Variants in FHIT observed in about 807,000 individuals in gnomAD.
FHIT encodes the protein fragile histidine triad diadenosine triphosphatase, also known as bis(5'-adenosyl)-triphosphatase.
In FHIT, 19 loss-of-function variants were observed where a neutral mutation model predicts 17.9. That is an observed-to-expected ratio of 1.06 (90% CI 0.74 to 1.56). The LOEUF (loss-of-function observed/expected upper bound fraction) is 1.56. FHIT is among the 40% of genes most tolerant of loss of function. The pLI, the probability that FHIT is intolerant of heterozygous loss-of-function variation, is 0.00. For missense variants in FHIT, 248 were observed against 189.2 expected, an observed-to-expected ratio of 1.31 and a Z score of -1.82; for synonymous variants, 81 against 69.7, an observed-to-expected ratio of 1.16 and a Z score of -0.81.
intron 4 of FHIT, among the ~76,000 whole-genome samples, chr3:60,805,680 C>A (rs1034379471): frequency 2.6e-5 from 4 of 151,980 alleles, no homozygotes; most frequent in Admixed American, 2.0e-4. Flanking sequence ...CTTAGCCTCC[C>A]GAGGAGCTGG....
chr3:61,208,643 CT>C (rs1003374744), intron 1 of FHIT, among the ~76,000 whole-genome samples: 21 of 151,036 alleles, frequency 1.4e-4, no homozygotes, highest in African/African-American at 4.1e-4. Context: ...CAAACCCTGC[CT>C]TTTTTTTTGT....
At chr3:60,657,516 A>G (rs1240709670) in intron 4 of FHIT, among the ~76,000 whole-genome samples, 3 of 152,158 alleles carry the variant, frequency 2.0e-5, no homozygotes, top group African/African-American at 7.2e-5. Flanking sequence ...GGAATCATCT[A>G]GTGGTGAAAT....
At chr3:60,245,800 C>G (rs1372776880) in intron 5 of FHIT, among the ~76,000 whole-genome samples, 1 of 151,900 alleles carries the variant, frequency 6.6e-6, no homozygotes, top group Non-Finnish European at 1.5e-5. Flanking sequence ...ATATTGGCAA[C>G]TGATCCAGAA....
chr3:60,299,310 G>T (rs751040310), intron 5 of FHIT, among the ~76,000 whole-genome samples: 1 of 152,060 alleles, frequency 6.6e-6, no homozygotes, highest in Non-Finnish European at 1.5e-5. Context: ...CTAACATTTT[G>T]TTAAGAAATT....
Position 60,507,189 on chromosome 3 carries a change from T to G in FHIT, c.103+29671A>C, listed in dbSNP as rs142376617. Reference sequence around the variant, plus strand: ...CCTTCTAGAAGAAGGGATACGTGAGTTGGCATTGGTAGAATGAACAGGAGT... The same window carrying G: ...CCTTCTAGAAGAAGGGATACGTGAGGTGGCATTGGTAGAATGAACAGGAGT... On this transcript the variant is annotated intron_variant, in intron 5 of 9. Coordinates refer to ENST00000492590, the MANE Select transcript of FHIT (RefSeq NM_002012.4). 3.7e-3 allele frequency among the ~76,000 whole-genome samples: 558 copies of G among 152,216 alleles called. 3 individuals carry two copies. Among genetic ancestry groups the G allele is most frequent in the African/African-American group, 0.013 (524 of 41,526 alleles).
chr3:60,147,933 G>T (rs183918798), intron 5 of FHIT, among the ~76,000 whole-genome samples: 51 of 152,290 alleles, frequency 3.3e-4, no homozygotes, highest in Middle Eastern at 6.8e-3. Context: ...AATCAAGGTG[G>T]AAGGCTCTGA....
intron 4 of FHIT, among the ~76,000 whole-genome samples, chr3:60,809,489 T>A (rs1441720471): frequency 3.3e-5 from 5 of 152,156 alleles, no homozygotes; most frequent in African/African-American, 1.2e-4. Context: ...TCACTACCAT[T>A]TAAAAAGCAT....
At chr3:60,239,574 A>G (rs1211671039) in intron 5 of FHIT, among the ~76,000 whole-genome samples, 1 of 152,104 alleles carries the variant, frequency 6.6e-6, no homozygotes, top group Non-Finnish European at 1.5e-5. Flanking sequence ...GCAAACAAAA[A>G]ACAGAATCTT....
At chr3:60,301,009 G>T (rs192336445) in intron 5 of FHIT, among the ~76,000 whole-genome samples, 2 of 151,844 alleles carry the variant, frequency 1.3e-5, no homozygotes, top group Non-Finnish European at 2.9e-5. Flanking sequence ...AGCACCCAAA[G>T]CATCTCTCCC....
chr3:61,018,810 G>A (rs2032253243), intron 3 of FHIT, among the ~76,000 whole-genome samples: 1 of 151,874 alleles, frequency 6.6e-6, no homozygotes, highest in Admixed American at 6.6e-5. Context: ...TTTCACCCAT[G>A]GGATAGATAC....
intron 4 of FHIT, among the ~76,000 whole-genome samples, chr3:60,616,460 C>A (rs1396210665): frequency 2.0e-5 from 3 of 152,130 alleles, no homozygotes; most frequent in Admixed American, 1.3e-4. Context: ...AAGTAATACA[C>A]TTCTAGAACT....
Position 60,506,323 on chromosome 3 carries a change from A to C in FHIT, c.103+30537T>G, listed in dbSNP as rs377448854. Among the ~76,000 whole-genome samples, 21 of 152,288 alleles carry C rather than the reference A, an allele frequency of 1.4e-4. 1 individual carries two copies. Among genetic ancestry groups the C allele is most frequent in the East Asian group, 5.8e-4 (3 of 5,182 alleles). ...GATCTGTAGCAACAAGTATAAAGCT[A>C]ATTTTGTAAACTGCAACTCCTGAAC... On this transcript the variant is annotated intron_variant, in intron 5 of 9. Transcript: ENST00000492590.
chr3:60,153,710 A>T (rs1392896194), intron 5 of FHIT, among the ~76,000 whole-genome samples: 6 of 152,164 alleles, frequency 3.9e-5, no homozygotes, highest in Admixed American at 2.6e-4. Flanking sequence ...TTTTAGGGCA[A>T]ATTTTAGGTC....
chr3:60,476,599 G>T (rs915159696), intron 5 of FHIT, among the ~76,000 whole-genome samples: 3 of 152,126 alleles, frequency 2.0e-5, no homozygotes, highest in African/African-American at 7.2e-5. Context: ...AAGGTCAGCT[G>T]GTTCTCAGGA....
At chr3:61,148,167 T>C (rs1369834255) in intron 2 of FHIT, among the ~76,000 whole-genome samples, 1 of 151,994 alleles carries the variant, frequency 6.6e-6, no homozygotes, top group Admixed American at 6.6e-5. Flanking sequence ...CAAACACACA[T>C]CATCTTTTAA....
chr3:60,644,461 G>A (rs116341316), intron 4 of FHIT, among the ~76,000 whole-genome samples: 3,195 of 152,272 alleles, frequency 0.021, 122 homozygotes, highest in African/African-American at 0.072. Flanking sequence ...TTATTAATAT[G>A]TGTTGAATAC....
At position 60,521,799 on chromosome 3, in the gene FHIT, G is replaced by C. The variant is rs75234566; in HGVS notation, c.103+15061C>G. On this transcript the variant is annotated intron_variant, in intron 5 of 9. Transcript: ENST00000492590. ...CAAAGCTCATTTGCAGTTTTGACAAGTACAAATGTTTTGTACCCAAAGACA... is the reference window on the plus strand; with the variant it reads ...CAAAGCTCATTTGCAGTTTTGACAACTACAAATGTTTTGTACCCAAAGACA... 2.0e-5 allele frequency among the ~76,000 whole-genome samples: 3 copies of C among 152,294 alleles called. No individual in the cohort carries two copies. In the East Asian group the frequency reaches 5.8e-4, roughly 29 times the overall value.
At chr3:60,541,015 C>T (rs1053171824) in intron 4 of FHIT, among the ~76,000 whole-genome samples, 2 of 152,178 alleles carry the variant, frequency 1.3e-5, no homozygotes, top group Non-Finnish European at 2.9e-5. Context: ...AAGGGCCCAG[C>T]AATCAAGGCT....
intron 5 of FHIT, among the ~76,000 whole-genome samples, chr3:60,400,057 A>T (rs992675483): frequency 2.6e-5 from 4 of 152,172 alleles, no homozygotes; most frequent in African/African-American, 9.7e-5. Context: ...CGGGTGCTCT[A>T]TGGGGATGGC....
Sources: gnomAD v4.1 joint callset for allele counts (sites outside exome capture counted in the v4.1 genomes callset) on GRCh38, gnomAD v4.1.1 for gene constraint, MANE v1.5 for transcripts, NCBI Gene and HGNC (gene_info 2026-07-23, HGNC 2026-07-21) for gene names.